The following ADAM23 variants were observed in gnomAD, a reference collection of about 807,000 sequenced individuals.
ADAM23 encodes the protein ADAM metallopeptidase domain 23, also known as disintegrin and metalloproteinase domain-containing protein 23.
Under a neutral mutation model 120.1 loss-of-function variants are expected in ADAM23, and 33 were observed. The ratio of observed to expected loss-of-function variants is 0.27; its 90% CI spans 0.21 to 0.37. The LOEUF (loss-of-function observed/expected upper bound fraction) is 0.37, where lower values mean the gene tolerates loss of function less well. ADAM23 is among the 10% of genes least tolerant of loss of function. The pLI is 1.00. For missense variants in ADAM23, 862 were observed against 1,058.2 expected (o/e 0.81, Z 2.57); for synonymous variants, 367 against 375.2 (o/e 0.98, Z 0.25).
In ADAM23 at chr2:206,547,085, T is replaced by TA. The variant is rs952500742; in HGVS notation, c.721-336dup. 1.4e-4 allele frequency among the ~76,000 whole-genome samples: 21 copies of TA among 151,834 alleles called. No homozygotes were observed. The East Asian group carries it at 3.1e-3, about 22-fold the overall frequency. ...TTTATGGCAAAAGTTGGTGCTTCAT[T>TA]AAAAAAAATGCATGTTGAAGGAATA... On this transcript the variant is annotated intron_variant, in intron 6 of 25. Coordinates refer to ENST00000264377, the MANE Select transcript of ADAM23 (RefSeq NM_003812.4).
chr2:206,548,426 T>C (rs1697445347), intron 8 of ADAM23, 72 bp downstream of exon 8: 4 of 1,436,298 alleles, frequency 2.8e-6, no homozygotes, highest in African/African-American at 2.8e-5. Context: ...CCCCACATTA[T>C]CTAAGTGTAC....
chr2:206,558,514 A>T (rs1697691643), intron 10 of ADAM23, among the ~76,000 whole-genome samples: 2 of 152,176 alleles, frequency 1.3e-5, no homozygotes, highest in Non-Finnish European at 2.9e-5. Context: ...CTATAACATG[A>T]GTGGATGTGC....
At chr2:206,483,527 A>G (rs548759321) in intron 3 of ADAM23, among the ~76,000 whole-genome samples, 65 of 152,268 alleles carry the variant, frequency 4.3e-4, no homozygotes, top group African/African-American at 1.3e-3. Context: ...GTAAGGAGAC[A>G]GAAGCTGAGA....
intron 2 of ADAM23, among the ~76,000 whole-genome samples, chr2:206,471,119 G>A (rs1695648624): frequency 6.6e-6 from 1 of 152,140 alleles, no homozygotes; most frequent in African/African-American, 2.4e-5. Flanking sequence ...GAGAGCTCTG[G>A]CCTGGACAGG....
At chr2:206,471,373 AT>A (rs1213022757) in intron 2 of ADAM23, among the ~76,000 whole-genome samples, 1 of 152,182 alleles carries the variant, frequency 6.6e-6, no homozygotes, top group Non-Finnish European at 1.5e-5. Context: ...TTGGATTGAT[AT>A]TTGCATTGAC....
Position 206,444,049 on chromosome 2 carries a change from G to A in ADAM23, c.183G>A (p.Arg61=). The change falls in exon 1 of 26, where the codon CGG becomes CGA. Residue 61 remains arginine (R), a synonymous_variant. Transcript: ENST00000264377. ...TGCCTCCGCTCGCCGCCTCGTCCCG[G>A]CCCCGCGCCTGGGGGGCTGCTGCGC... ...LLLPPLAASS[R]PRAWGAAAPS... The A allele has an allele frequency of 7.1e-7, 1 of 1,400,222 alleles. No homozygotes were observed. Among genetic ancestry groups the A allele is most frequent in the Admixed American group, 2.6e-5 (1 of 38,948 alleles). The allele number at this position is 1,400,222 out of a possible 1,614,324, so 86.7% of individuals were successfully genotyped here. A position where few individuals can be genotyped will look rare whatever the true frequency, so the allele number is the denominator to read the frequency against.
intron 21 of ADAM23, among the ~76,000 whole-genome samples, chr2:206,591,559 C>T (rs181400759): frequency 6.6e-6 from 1 of 152,164 alleles, no homozygotes; most frequent in Non-Finnish European, 1.5e-5. Flanking sequence ...TGTTGATGAA[C>T]ATTTAGTTTG....
At position 206,444,053 on chromosome 2, in the gene ADAM23, C is replaced by A; in HGVS notation, c.187C>A (p.Arg63Ser). 1 of 1,397,962 alleles carries A rather than the reference C, an allele frequency of 7.2e-7. No individual in the cohort carries two copies. Among genetic ancestry groups the A allele is most frequent in the South Asian group, 1.6e-5 (1 of 63,936 alleles). The allele number at this position is 1,397,962 out of a possible 1,614,324, so 86.6% of individuals were successfully genotyped here. A position where few individuals can be genotyped will look rare whatever the true frequency, so the allele number is the denominator to read the frequency against. Reference protein sequence around the residue: ...LPPLAASSRPRAWGAAAPSAP... With the variant: ...LPPLAASSRPSAWGAAAPSAP... ...TCCGCTCGCCGCCTCGTCCCGGCCC[C>A]GCGCCTGGGGGGCTGCTGCGCCCAG... Residue 63 changes from arginine (R) to serine (S), a missense_variant, in exon 1 of 26, where the codon CGC (arginine) becomes AGC (serine). By Grantham distance (110) the Arg-to-Ser change is moderately radical. Around this residue, in one of 4 missense-constraint regions of ADAM23, gnomAD observed 225 missense variants for 204.0 expected, o/e 1.10. Transcript: ENST00000264377.
intron 2 of ADAM23, among the ~76,000 whole-genome samples, chr2:206,450,067 C>G (rs1695160940): frequency 1.3e-5 from 2 of 152,072 alleles, no homozygotes; most frequent in East Asian, 1.9e-4. Flanking sequence ...TTCCAGAAAC[C>G]AGTTGTTCCA....
intron 2 of ADAM23, among the ~76,000 whole-genome samples, chr2:206,459,108 GTAATT>G (rs1695360611): frequency 6.6e-6 from 1 of 152,162 alleles, no homozygotes; most frequent in Non-Finnish European, 1.5e-5. Context: ...AGTAAACTTG[GTAATT>G]ACTGTGGACA....
intron 18 of ADAM23, 75 bp downstream of exon 18, chr2:206,573,270 C>A: frequency 7.2e-7 from 1 of 1,388,304 alleles, no homozygotes; most frequent in Non-Finnish European, 1.0e-6. Context: ...TGCTTGGGGC[C>A]AGAAGTGTTT....
intron 9 of ADAM23, among the ~76,000 whole-genome samples, chr2:206,551,920 C>A (rs1697535794): frequency 6.6e-6 from 1 of 152,006 alleles, no homozygotes; most frequent in African/African-American, 2.4e-5. Context: ...TAAGAGAGGT[C>A]CTTTTTGGTG....
intron 25 of ADAM23, among the ~76,000 whole-genome samples, chr2:206,616,739 C>T (rs1243747361): frequency 2.0e-5 from 3 of 151,936 alleles, no homozygotes; most frequent in African/African-American, 2.4e-5. Context: ...GCGTTGCACC[C>T]GCCCAGTATG....
chr2:206,513,032 A>G (rs570247308), intron 3 of ADAM23, among the ~76,000 whole-genome samples: 67 of 152,216 alleles, frequency 4.4e-4, no homozygotes, highest in African/African-American at 1.4e-3. Flanking sequence ...TGGCTTCTCC[A>G]CTGACTGGCC....
intron 24 of ADAM23, among the ~76,000 whole-genome samples, chr2:206,597,822 A>G (rs1042900286): frequency 4.3e-4 from 65 of 152,174 alleles, no homozygotes; most frequent in African/African-American, 1.6e-3. Context: ...GAACTTCAGT[A>G]TAGTTTATAT....
intron 6 of ADAM23, among the ~76,000 whole-genome samples, chr2:206,544,739 A>G (rs1016936413): frequency 1.3e-5 from 2 of 151,904 alleles, no homozygotes; most frequent in African/African-American, 4.8e-5. Flanking sequence ...CAGCCTCCCA[A>G]GTAGCTGGGA....
chr2:206,541,164 T>TC (rs1697283910), intron 4 of ADAM23, among the ~76,000 whole-genome samples: 1 of 150,384 alleles, frequency 6.6e-6, no homozygotes, highest in South Asian at 2.1e-4. Flanking sequence ...AGACCCCGTC[T>TC]CCAAGAAAAA....
In ADAM23 at chr2:206,443,876, C is replaced by T; in HGVS notation, c.10C>T (p.Pro4Ser). Residue 4 changes from proline (P) to serine (S), a missense_variant, in exon 1 of 26, where the codon CCC becomes TCC. Coordinates refer to ENST00000264377, the MANE Select transcript of ADAM23 (RefSeq NM_003812.4). Reference sequence around the variant, plus strand: ...CCGGGAGCTATGAGCCATGAAGCCGCCCGGCAGCAGCTCGCGGCAGCCGCC... The same window carrying T: ...CCGGGAGCTATGAGCCATGAAGCCGTCCGGCAGCAGCTCGCGGCAGCCGCC... Reference protein sequence around the residue: MKPPGSSSRQPPLA... With the variant: MKPSGSSSRQPPLA... 1.7e-6 allele frequency: 2 copies of T among 1,147,202 alleles called. No homozygotes were observed. Among genetic ancestry groups the T allele is most frequent in the Non-Finnish European group, 2.1e-6 (2 of 936,298 alleles). The allele number at this position is 1,147,202 out of a possible 1,614,324, so 71.1% of individuals were successfully genotyped here. A position where few individuals can be genotyped will look rare whatever the true frequency, so the allele number is the denominator to read the frequency against.
chr2:206,609,364 G>T (rs1477416344), intron 24 of ADAM23, among the ~76,000 whole-genome samples: 1 of 152,188 alleles, frequency 6.6e-6, no homozygotes, highest in Non-Finnish European at 1.5e-5. Flanking sequence ...ATCTTTGAGA[G>T]CAAGGCTTCA....
Sources: gnomAD v4.1 joint callset for allele counts (sites outside exome capture counted in the v4.1 genomes callset) on GRCh38, gnomAD v4.1.1 for gene constraint, gnomAD v4.1.1 regional missense constraint, MANE v1.5 for transcripts, NCBI Gene and HGNC (gene_info 2026-07-23, HGNC 2026-07-21) for gene names.